MYT1L: variants seen among roughly 807,000 people sequenced by gnomAD.
MYT1L encodes the protein myelin transcription factor 1-like protein.
In MYT1L, 12 loss-of-function variants were observed where a neutral mutation model predicts 126.7. That is an observed-to-expected ratio of 0.09 (90% CI 0.06 to 0.15). MYT1L has a LOEUF of 0.15. Ranked by LOEUF, MYT1L falls within the 10% of genes least tolerant of loss-of-function variation. The pLI is 1.00. For synonymous variants in MYT1L, 541 were observed against 604.2 expected, an observed-to-expected ratio of 0.90 and a Z score of 1.53; for missense variants, 979 against 1,585.2, an observed-to-expected ratio of 0.62 and a Z score of 6.49.
intron 3 of MYT1L, among the ~76,000 whole-genome samples, chr2:2,145,082 T>C (rs769796160): frequency 2.0e-5 from 3 of 152,202 alleles, no homozygotes; most frequent in Non-Finnish European, 4.4e-5. Context: ...TACACACATC[T>C]CTTACAAGGG....
chr2:1,958,231 C>A (rs2058669596), intron 8 of MYT1L, among the ~76,000 whole-genome samples: 1 of 152,168 alleles, frequency 6.6e-6, no homozygotes, highest in African/African-American at 2.4e-5. Context: ...CAGATGGAAC[C>A]CAGACAGCTG....
chr2:2,128,833 T>A (rs2082022374), intron 3 of MYT1L, among the ~76,000 whole-genome samples: 1 of 152,184 alleles, frequency 6.6e-6, no homozygotes. Flanking sequence ...TCCTTCATCA[T>A]CCCTTCTAGC....
intron 1 of MYT1L, among the ~76,000 whole-genome samples, chr2:2,288,692 T>C (rs1160195982): frequency 6.6e-6 from 1 of 152,248 alleles, no homozygotes; most frequent in African/African-American, 2.4e-5. Context: ...ATATCACATA[T>C]GTAATTCTTC....
Position 1,910,878 on chromosome 2 carries a change from C to A in MYT1L, c.1710-531G>T, listed in dbSNP as rs1035511844. 1.3e-5 allele frequency among the ~76,000 whole-genome samples: 2 copies of A among 152,182 alleles called. No homozygotes were observed. Among genetic ancestry groups the A allele is most frequent in the African/African-American group, 4.8e-5 (2 of 41,430 alleles). ...AGTGGAGAGGAAAGCAGAATGATTT[C>A]TAGGACTGCAATAAAATGTTTTGTG... On this transcript the variant is annotated intron_variant, in intron 12 of 24. Coordinates refer to ENST00000647738, the MANE Select transcript of MYT1L (RefSeq NM_001303052.2). The surrounding 1 kb of genome is among the most constrained non-coding windows in gnomAD (Gnocchi z 4.8).
intron 21 of MYT1L, among the ~76,000 whole-genome samples, chr2:1,810,478 T>C (rs964879106): frequency 6.6e-6 from 1 of 152,196 alleles, no homozygotes; most frequent in African/African-American, 2.4e-5. Flanking sequence ...ATGTGTTTAT[T>C]CTCTCTATAC....
intron 21 of MYT1L, among the ~76,000 whole-genome samples, chr2:1,821,821 G>A (rs1336300919): frequency 6.6e-6 from 1 of 152,198 alleles, no homozygotes; most frequent in Non-Finnish European, 1.5e-5. Flanking sequence ...CCAAGGCCTT[G>A]GGGCCTGTCC....
chr2:2,236,132 C>A (rs2094294349), intron 2 of MYT1L, among the ~76,000 whole-genome samples: 1 of 150,252 alleles, frequency 6.7e-6, no homozygotes, highest in Non-Finnish European at 1.5e-5. Flanking sequence ...CCCAGTACAT[C>A]CCAACCCAAC....
intron 2 of MYT1L, among the ~76,000 whole-genome samples, chr2:2,221,365 G>A (rs2093865243): frequency 6.6e-6 from 1 of 152,148 alleles, no homozygotes; most frequent in African/African-American, 2.4e-5. Flanking sequence ...CCTTTGCTAG[G>A]TAAACAGAAA....
At chr2:2,306,411 C>G (rs2095859743) in intron 1 of MYT1L, among the ~76,000 whole-genome samples, 1 of 152,136 alleles carries the variant, frequency 6.6e-6, no homozygotes, top group Non-Finnish European at 1.5e-5. Context: ...TGTAGAATCC[C>G]AAGGTTTTCA....
chr2:1,877,658 T>C (rs897706698), intron 18 of MYT1L, among the ~76,000 whole-genome samples: 8 of 152,142 alleles, frequency 5.3e-5, no homozygotes, highest in African/African-American at 1.9e-4. Context: ...ACCTGGCTGC[T>C]CGCACGCCTG....
intron 21 of MYT1L, among the ~76,000 whole-genome samples, chr2:1,830,534 C>T (rs574679879): frequency 5.9e-5 from 9 of 151,732 alleles, no homozygotes; most frequent in South Asian, 2.1e-4. Context: ...AGGGTGTTCT[C>T]GGCACCCGGA....
chr2:2,084,361 G>A (rs906485400), intron 3 of MYT1L, among the ~76,000 whole-genome samples: 6 of 152,220 alleles, frequency 3.9e-5, no homozygotes, highest in East Asian at 1.9e-4. Flanking sequence ...CGGTGTAACC[G>A]GATGACTGCC....
At chr2:1,963,069 T>C (rs1018404209) in intron 8 of MYT1L, among the ~76,000 whole-genome samples, 1 of 152,212 alleles carries the variant, frequency 6.6e-6, no homozygotes, top group Non-Finnish European at 1.5e-5. Flanking sequence ...ATGAAATATG[T>C]TTCTTAAATA....
intron 18 of MYT1L, among the ~76,000 whole-genome samples, chr2:1,863,750 C>G (rs978438470): frequency 1.4e-5 from 2 of 138,366 alleles, no homozygotes; most frequent in African/African-American, 5.5e-5. Flanking sequence ...AAGGGGGGGG[C>G]ATTTGGGGAT....
intron 19 of MYT1L, among the ~76,000 whole-genome samples, chr2:1,851,222 A>G (rs1299587440): frequency 1.3e-5 from 2 of 152,190 alleles, no homozygotes; most frequent in Non-Finnish European, 2.9e-5. Flanking sequence ...TTCTGCTTAG[A>G]ATAACTGTAC....
intron 1 of MYT1L, among the ~76,000 whole-genome samples, chr2:2,298,938 T>C (rs2149513720): frequency 6.6e-6 from 1 of 152,324 alleles, no homozygotes; most frequent in Admixed American, 6.5e-5. Context: ...CTGCAACCTC[T>C]GCTTCCCAGG....
chr2:2,246,262 G>T (rs1420214425), intron 2 of MYT1L, among the ~76,000 whole-genome samples: 2 of 152,124 alleles, frequency 1.3e-5, no homozygotes, highest in Non-Finnish European at 2.9e-5. Context: ...GGAGTGGAGA[G>T]CTTCGCCTGC....
chr2:2,169,336 T>C (rs1295652196), intron 3 of MYT1L, among the ~76,000 whole-genome samples: 1 of 152,218 alleles, frequency 6.6e-6, no homozygotes, highest in Non-Finnish European at 1.5e-5. Context: ...TCTGTAATAA[T>C]GTATTACCAT....
rs963965331 is a variant in MYT1L, at chr2:1,912,810, G to C, written c.1619-700C>G. Among the ~76,000 whole-genome samples, 2 of 152,164 alleles carry C rather than the reference G, an allele frequency of 1.3e-5. No individual in the cohort carries two copies. The highest frequency in any genetic ancestry group is 1.9e-4 in the East Asian group (1 of 5,180). ...GGTGCAAGGATGCTACTGGCTGGTC[G>C]GCAGGGGAGAGCTGCTTGAATTTTC... is the stretch of plus-strand genomic sequence containing the variant. On this transcript the variant is annotated intron_variant, in intron 11 of 24. Coordinates refer to ENST00000647738, the MANE Select transcript of MYT1L (RefSeq NM_001303052.2). The surrounding 1 kb of genome is among the most constrained non-coding windows in gnomAD (Gnocchi z 4.3).
Sources: gnomAD v4.1 joint callset for allele counts (sites outside exome capture counted in the v4.1 genomes callset) on GRCh38, gnomAD v4.1.1 for gene constraint, Gnocchi (gnomAD v3.1) non-coding constraint, MANE v1.5 for transcripts, NCBI Gene and HGNC (gene_info 2026-07-23, HGNC 2026-07-21) for gene names.